MYO18B: variants seen among roughly 807,000 people sequenced by gnomAD.
The protein encoded by MYO18B is myosin XVIIIB, also known as unconventional myosin-XVIIIb.
Under a neutral mutation model 273.0 loss-of-function variants are expected in MYO18B, and 204 were observed. That is an observed-to-expected ratio of 0.75 (90% CI 0.67 to 0.84). MYO18B has a LOEUF of 0.84. Among genes scored for constraint, MYO18B ranks in the 40% least tolerant of loss-of-function variants. The pLI is 0.00. For synonymous variants in MYO18B, 1,330 were observed against 1,305.7 expected (o/e 1.02, Z -0.40); for missense variants, 3,212 against 3,287.6 (o/e 0.98, Z 0.56).
chr22:25,809,068 G>A (rs1052930600), intron 12 of MYO18B, among the ~76,000 whole-genome samples: 3 of 151,960 alleles, frequency 2.0e-5, no homozygotes, highest in Non-Finnish European at 1.5e-5. Flanking sequence ...TTAGCCTCCC[G>A]AGTAGCTGGG....
At chr22:25,811,154 C>T (rs985256473) in intron 12 of MYO18B, among the ~76,000 whole-genome samples, 14 of 151,110 alleles carry the variant, frequency 9.3e-5, no homozygotes, top group African/African-American at 2.7e-4. Flanking sequence ...GCTGGGATTA[C>T]AGGTGGCCGC....
In MYO18B at chr22:25,826,421, C is replaced by T. The variant is rs1286168691; in HGVS notation, c.2708C>T (p.Thr903Ile). The change falls in exon 14 of 44, where the codon ACA becomes ATA. Residue 903 changes from threonine (T) to isoleucine (I), a missense_variant. By Grantham distance (89) the Thr-to-Ile change is moderately conservative (BLOSUM62 -1). Coordinates refer to ENST00000335473, the MANE Select transcript of MYO18B (RefSeq NM_032608.7). ...DEETSSGLKMTGVDCVEGMAS... is the reference protein window; with the variant it reads ...DEETSSGLKMIGVDCVEGMAS... ...TCCTCTTTCCCAGGGCTCAAGATGA[C>T]AGGAGTGGACTGTGTGGAGGGGATG... 1.1e-5 allele frequency: 18 copies of T among 1,611,300 alleles called. No individual in the cohort carries two copies. Among genetic ancestry groups the T allele is most frequent in the Non-Finnish European group, 1.4e-5 (17 of 1,179,040 alleles).
At chr22:25,800,418 G>A (rs1032162911) in intron 12 of MYO18B, among the ~76,000 whole-genome samples, 1 of 152,240 alleles carries the variant, frequency 6.6e-6, no homozygotes, top group East Asian at 1.9e-4. Flanking sequence ...CTCACTCAAC[G>A]TCCTGGTCAC....
Position 26,026,633 on chromosome 22 carries a change from GA to G in MYO18B, c.6660del (p.Arg2220SerfsTer2), listed in dbSNP as rs1936260946. On this transcript the variant is annotated frameshift_variant, in exon 43 of 44. Coordinates refer to ENST00000335473, the MANE Select transcript of MYO18B (RefSeq NM_032608.7). LOFTEE classifies it high-confidence loss of function. ...GCCGTCCAGAGAAAGTCCACAGAGA[GA>G]TTAGAACCTGCTTCCTCTCCCCTGG... is the stretch of plus-strand genomic sequence containing the variant. ...VLAVQRKSTE[R>X]LEPASSPLAS... is the part of the protein sequence containing the mutation. The G allele has an allele frequency of 6.2e-7, 1 of 1,613,268 alleles. No individual in the cohort carries two copies.
intron 7 of MYO18B, among the ~76,000 whole-genome samples, chr22:25,775,667 C>T (rs2086887513): frequency 6.6e-6 from 1 of 152,158 alleles, no homozygotes; most frequent in Admixed American, 6.5e-5. Flanking sequence ...ACTCCGCTTT[C>T]CTGGTTTTCA....
chr22:25,815,198 G>A (rs1569058896), intron 12 of MYO18B, among the ~76,000 whole-genome samples: 1 of 152,232 alleles, frequency 6.6e-6, no homozygotes, highest in South Asian at 2.1e-4. Context: ...AATGGCCCCT[G>A]CTCAGCCTGC....
rs759388866 is a variant in MYO18B at position 25,828,934 on chromosome 22, G to A, written c.2945G>A (p.Arg982Gln). The A allele has an allele frequency of 1.6e-5, 26 of 1,613,856 alleles. No homozygotes were observed. The highest frequency in any genetic ancestry group is 1.1e-4 in the African/African-American group (8 of 74,932). Residue 982 changes from arginine to glutamine, a missense_variant, in exon 15 of 44, where the codon CGG becomes CAG. Physicochemically the swap from Arg to Gln is conservative, Grantham distance 43. Coordinates refer to ENST00000335473, the MANE Select transcript of MYO18B (RefSeq NM_032608.7). Reference protein sequence around the residue: ...HERLQLLFYQRTFVSTLQRYQ... With the variant: ...HERLQLLFYQQTFVSTLQRYQ... The stretch of plus-strand genomic sequence containing the variant: ...CGCCTGCAGCTGCTGTTCTACCAGC[G>A]GACCTTTGTCTCCACGCTACAGCGA...
chr22:26,041,220 A>C, the MYO18B span, among the ~76,000 whole-genome samples: 1 of 151,904 alleles, frequency 6.6e-6, no homozygotes. Flanking sequence ...CAATTCTTCC[A>C]ATGTGGCCCA....
chr22:25,894,164 G>A (rs139009497), intron 27 of MYO18B, among the ~76,000 whole-genome samples: 153 of 152,330 alleles, frequency 1.0e-3, no homozygotes, highest in African/African-American at 3.5e-3. Flanking sequence ...ATTTCTATAA[G>A]CTTCTTTATG....
chr22:25,892,339 T>A (rs1460890211), intron 27 of MYO18B: 1 of 152,228 alleles, frequency 6.6e-6, no homozygotes, highest in East Asian at 1.9e-4. Flanking sequence ...GCACAACAGT[T>A]ACCAAATGGC....
At chr22:25,843,920 G>T (rs1329961060) in intron 18 of MYO18B, 26 bp downstream of exon 18, 1 of 1,589,038 alleles carries the variant, frequency 6.3e-7, no homozygotes, top group East Asian at 2.3e-5. Context: ...GTTGGGGACG[G>T]GGATGGAGCA....
intron 10 of MYO18B, among the ~76,000 whole-genome samples, chr22:25,784,467 A>G (rs908483822): frequency 6.6e-6 from 1 of 152,258 alleles, no homozygotes; most frequent in African/African-American, 2.4e-5. Flanking sequence ...CTTGTCTGCC[A>G]CATGGCAGCA....
intron 26 of MYO18B, 89 bp from the exon 27 acceptor site, chr22:25,891,215 A>T: frequency 9.9e-7 from 1 of 1,012,506 alleles, no homozygotes. Flanking sequence ...AGGGTGGCCA[A>T]TCCGAGCCTT....
chr22:26,029,441 C>T (rs1936538031), intron 43 of MYO18B, among the ~76,000 whole-genome samples: 1 of 152,134 alleles, frequency 6.6e-6, no homozygotes, highest in Admixed American at 6.5e-5. Flanking sequence ...TCTCTGCTCT[C>T]AATTACCGAG....
In MYO18B at chr22:26,027,812, T is replaced by A; in HGVS notation, c.*12+122T>A. ...CGATTTCTCTAGAGACCAAGATTTTTAGAGGTTTTAGCTGAAGTCATGTGT... is the reference window on the plus strand; with the variant it reads ...CGATTTCTCTAGAGACCAAGATTTTAAGAGGTTTTAGCTGAAGTCATGTGT... On this transcript the variant is annotated intron_variant, in intron 43 of 43. Coordinates refer to ENST00000335473, the MANE Select transcript of MYO18B (RefSeq NM_032608.7). This position sits in a 1 kb window ranked among gnomAD's most constrained non-coding sequence, Gnocchi z 4.1. The A allele has an allele frequency of 9.1e-7, 1 of 1,104,056 alleles. No homozygotes were observed. The allele number at this position is 1,104,056 out of a possible 1,614,324, so 68.4% of individuals were successfully genotyped here. A position where few individuals can be genotyped will look rare whatever the true frequency, so the allele number is the denominator to read the frequency against.
intron 12 of MYO18B, among the ~76,000 whole-genome samples, chr22:25,818,011 C>A (rs1170998153): frequency 6.6e-6 from 1 of 152,160 alleles, no homozygotes. Flanking sequence ...CCATGGGGAC[C>A]TGTTTCTCCC....
At chr22:26,045,606 T>C in the MYO18B span, among the ~76,000 whole-genome samples, 2 of 152,200 alleles carry the variant, frequency 1.3e-5, no homozygotes, top group Non-Finnish European at 2.9e-5. Context: ...TCTGCTCTGT[T>C]AAGTCATTAT....
rs1482248913 is a variant in MYO18B, at chr22:25,847,583, G to T, written c.3706G>T (p.Asp1236Tyr). ...KPGAGGPLAL[D>Y]IPALRVQLAG... is the part of the protein sequence containing the mutation. ...TGGGGCAGGTGGACCTCTGGCCCTG[G>T]ATATCCCAGCACTGAGGGTCCAGCT... is the stretch of plus-strand genomic sequence containing the variant. The change falls in exon 20 of 44, where the codon GAT (aspartate) becomes TAT (tyrosine). Residue 1236 changes from aspartate (D) to tyrosine (Y), a missense_variant. Coordinates refer to ENST00000335473, the MANE Select transcript of MYO18B (RefSeq NM_032608.7). The T allele has an allele frequency of 1.3e-6, 2 of 1,566,818 alleles. No individual in the cohort carries two copies. The highest frequency in any genetic ancestry group is 1.7e-6 in the Non-Finnish European group (2 of 1,155,860).
intron 39 of MYO18B, among the ~76,000 whole-genome samples, chr22:25,977,096 AT>A (rs2146766804): frequency 6.6e-6 from 1 of 152,240 alleles, no homozygotes; most frequent in East Asian, 1.9e-4. Flanking sequence ...GGATGTACTC[AT>A]TGGTGCCTGG....
Sources: allele counts gnomAD v4.1 joint callset (sites outside exome capture counted in the v4.1 genomes callset), GRCh38; gene constraint gnomAD v4.1.1; non-coding constraint Gnocchi (gnomAD v3.1); transcripts MANE v1.5; gene names NCBI Gene and HGNC (gene_info 2026-07-23, HGNC 2026-07-21).